The following SMYD1 variants were observed in gnomAD, a reference collection of about 807,000 sequenced individuals.
SMYD1 encodes the protein SET and MYND domain containing 1, also known as histone-lysine N-methyltransferase SMYD1.
A neutral mutation model predicts 54.0 loss-of-function variants in SMYD1; 49 were observed. That is an observed-to-expected ratio of 0.91 (90% CI 0.72 to 1.15). The LOEUF is 1.15. SMYD1 is among the 50% of genes most tolerant of loss of function. The probability of loss-of-function intolerance (pLI) is 0.00; values close to 1 mark genes in which losing one functional copy is unlikely to be tolerated. For missense variants in SMYD1, 653 were observed against 639.6 expected, an observed-to-expected ratio of 1.02 and a Z score of -0.23; for synonymous variants, 269 against 234.2, an observed-to-expected ratio of 1.15 and a Z score of -1.36.
In SMYD1 at chr2:88,089,070, C is replaced by T. The variant is rs62159373; in HGVS notation, c.528+995C>T. Among the ~76,000 whole-genome samples, 632 of 152,306 alleles carry T rather than the reference C, an allele frequency of 4.1e-3. 2 individuals carry two copies. Among genetic ancestry groups the T allele is most frequent in the Middle Eastern group, 6.8e-3 (2 of 294 alleles). ...TGATTGAGTCTAAGGATTTGGCTCA[C>T]GCAATGGTGGAGGCTTGGTAAGTCC... On this transcript the variant is annotated intron_variant, in intron 3 of 9. Coordinates refer to ENST00000419482, the MANE Select transcript of SMYD1 (RefSeq NM_198274.4).
chr2:88,068,201 C>T (rs548163813), intron 1 of SMYD1, among the ~76,000 whole-genome samples, 200 bp downstream of exon 1: 46 of 152,136 alleles, frequency 3.0e-4, no homozygotes, highest in African/African-American at 1.1e-3. Flanking sequence ...TGCTGTGGCT[C>T]CTAGAAGGGT....
chr2:88,103,273 T>C (rs1674769251), intron 7 of SMYD1, 123 bp downstream of exon 7: 4 of 702,170 alleles, frequency 5.7e-6, no homozygotes, highest in Middle Eastern at 3.0e-4. Context: ...AGGTTATTTT[T>C]CTAGAAGATG....
In SMYD1 at chr2:88,077,011, C is replaced by CAAA. The variant is rs112988082; in HGVS notation, c.138-7290_138-7288dup. Among the ~76,000 whole-genome samples the CAAA allele has an allele frequency of 4.4e-3, 511 of 117,168 alleles. 7 individuals carry two copies. The highest frequency in any genetic ancestry group is 0.022 in the Admixed American group (235 of 10,894). 76.9% of individuals were successfully genotyped at this position (117,168 alleles called of 152,430 possible). On this transcript the variant is annotated intron_variant, in intron 1 of 9. Coordinates refer to ENST00000419482, the MANE Select transcript of SMYD1 (RefSeq NM_198274.4). Reference sequence around the variant, plus strand: ...TGGAGGACAGAGAAAGACCCTGTCTCAAAAAAAAAAAAAAAAAGACACTTC... The same window carrying CAAA: ...TGGAGGACAGAGAAAGACCCTGTCTCAAAAAAAAAAAAAAAAAAAAGACACTTC...
intron 7 of SMYD1, among the ~76,000 whole-genome samples, chr2:88,104,218 G>A (rs994183942): frequency 1.3e-5 from 2 of 152,074 alleles, no homozygotes; most frequent in African/African-American, 2.4e-5. Flanking sequence ...TGCCCGCCTT[G>A]GCCTCCCAAA....
At chr2:88,105,378 T>TAC (rs397747635) in intron 7 of SMYD1, among the ~76,000 whole-genome samples, 14,298 of 150,844 alleles carry the variant, frequency 0.095, 1,309 homozygotes, top group East Asian at 0.51. Context: ...CATGCATATA[T>TAC]ACACACACAC....
chr2:88,107,321 A>G (rs1374918668), intron 8 of SMYD1, among the ~76,000 whole-genome samples: 1 of 152,198 alleles, frequency 6.6e-6, no homozygotes, highest in East Asian at 1.9e-4. Context: ...ACACACGTTC[A>G]TTTCTTTGAG....
At position 88,111,960 on chromosome 2, in the gene SMYD1, T is replaced by C. The variant is rs1188391768; in HGVS notation, c.*1448T>C. On this transcript the variant is annotated 3_prime_UTR_variant, in exon 10 of 10. Coordinates refer to ENST00000419482, the MANE Select transcript of SMYD1 (RefSeq NM_198274.4). Reference sequence around the variant, plus strand: ...TTGTTATCTCTGCCTAAATGTTAGCTTCTCCATCCTCACCACATGATGACC... The same window carrying C: ...TTGTTATCTCTGCCTAAATGTTAGCCTCTCCATCCTCACCACATGATGACC... The C allele has an allele frequency of 1.5e-6, 1 of 668,396 alleles. No individual in the cohort carries two copies. The highest frequency in any genetic ancestry group is 2.1e-5 in the Admixed American group (1 of 46,792). The allele number at this position is 668,396 out of a possible 1,614,324, so 41.4% of individuals were successfully genotyped here. A position where few individuals can be genotyped will look rare whatever the true frequency, so the allele number is the denominator to read the frequency against.
chr2:88,084,206 T>C, intron 1 of SMYD1, 110 bp from the exon 2 acceptor site: 1 of 883,490 alleles, frequency 1.1e-6, no homozygotes, highest in Non-Finnish European at 1.6e-6. Flanking sequence ...GAAGTTTAGA[T>C]AAATAAGGAC....
intron 4 of SMYD1, among the ~76,000 whole-genome samples, chr2:88,091,676 C>T (rs947356215): frequency 5.9e-5 from 9 of 151,956 alleles, no homozygotes; most frequent in Admixed American, 2.0e-4. Context: ...GTGATACCCC[C>T]GTATCTATAA....
intron 1 of SMYD1, among the ~76,000 whole-genome samples, chr2:88,079,096 A>G (rs1322807988): frequency 6.6e-6 from 1 of 152,254 alleles, no homozygotes; most frequent in Non-Finnish European, 1.5e-5. Context: ...AGTTTATTAC[A>G]GCAAAGAATC....
intron 7 of SMYD1, 76 bp downstream of exon 7, chr2:88,103,226 C>A: frequency 2.9e-6 from 3 of 1,033,872 alleles, no homozygotes; most frequent in South Asian, 1.4e-5. Context: ...AGGGAAGTGG[C>A]GTGAGAACGG....
intron 3 of SMYD1, among the ~76,000 whole-genome samples, chr2:88,088,412 C>G (rs2919857): frequency 0.1 from 15,329 of 152,072 alleles, 813 homozygotes; most frequent in Middle Eastern, 0.18. Flanking sequence ...CAGCTGGGAT[C>G]GTCCAACTAA....
At chr2:88,096,518 C>T in intron 5 of SMYD1, 77 bp from the exon 6 acceptor site, 1 of 1,309,064 alleles carries the variant, frequency 7.6e-7, no homozygotes, top group Non-Finnish European at 1.1e-6. Context: ...GACCCAACTC[C>T]ATGAAGCCTT....
intron 1 of SMYD1, among the ~76,000 whole-genome samples, chr2:88,077,606 A>G (rs745937672): frequency 6.6e-6 from 1 of 152,148 alleles, no homozygotes; most frequent in Non-Finnish European, 1.5e-5. Context: ...TCACCCAGCT[A>G]AGACTGCCTG....
In SMYD1 at chr2:88,110,554, G is replaced by A. The variant is rs951760136; in HGVS notation, c.*42G>A. The A allele has an allele frequency of 2.6e-6, 4 of 1,511,014 alleles. No homozygotes were observed. The highest frequency in any genetic ancestry group is 2.5e-5 in the East Asian group (1 of 40,420). 93.6% of individuals were successfully genotyped at this position (1,511,014 alleles called of 1,614,324 possible). On this transcript the variant is annotated 3_prime_UTR_variant, in exon 10 of 10. Coordinates refer to ENST00000419482, the MANE Select transcript of SMYD1 (RefSeq NM_198274.4). The stretch of plus-strand genomic sequence containing the variant: ...GAGGGGCGATGTGGCTGGGGAGCTA[G>A]GGAGAGACTCTGGAGGTGGTGGGTC...
At chr2:88,094,875 C>A (rs551305995) in intron 5 of SMYD1, among the ~76,000 whole-genome samples, 2 of 152,304 alleles carry the variant, frequency 1.3e-5, no homozygotes, top group Admixed American at 6.5e-5. Flanking sequence ...GAGATCCACA[C>A]TCTATCCTGG....
At chr2:88,095,030 T>G (rs1674548434) in intron 5 of SMYD1, among the ~76,000 whole-genome samples, 1 of 152,166 alleles carries the variant, frequency 6.6e-6, no homozygotes, top group Non-Finnish European at 1.5e-5. Flanking sequence ...TGAGGACAAT[T>G]GTGAATGGTA....
At chr2:88,087,114 C>G (rs1354427462) in intron 2 of SMYD1, among the ~76,000 whole-genome samples, 1 of 146,984 alleles carries the variant, frequency 6.8e-6, no homozygotes, top group Non-Finnish European at 1.5e-5. Flanking sequence ...CCAATACTTT[C>G]ACACACAATG....
intron 9 of SMYD1, among the ~76,000 whole-genome samples, chr2:88,109,627 A>G (rs985227783): frequency 6.6e-6 from 1 of 152,190 alleles, no homozygotes; most frequent in African/African-American, 2.4e-5. Context: ...GTGTTATAAA[A>G]TGTAGGATGA....
Sources: allele counts gnomAD v4.1 joint callset (sites outside exome capture counted in the v4.1 genomes callset), GRCh38; gene constraint gnomAD v4.1.1; transcripts MANE v1.5; gene names NCBI Gene and HGNC (gene_info 2026-07-23, HGNC 2026-07-21).